HACE1: variants seen among roughly 807,000 people sequenced by gnomAD.
HACE1 encodes the protein HECT domain and ankyrin repeat containing E3 ubiquitin protein ligase 1.
In HACE1, 73 loss-of-function variants were observed where a neutral mutation model predicts 118.4. That is an observed-to-expected ratio of 0.62 (90% CI 0.51 to 0.75). HACE1 has a LOEUF of 0.75. HACE1 is among the 30% of genes least tolerant of loss of function. The pLI is 0.00. For missense variants in HACE1, 749 were observed against 1,102.2 expected (o/e 0.68, Z 4.54); for synonymous variants, 368 against 374.8 (o/e 0.98, Z 0.21).
intron 22 of HACE1, among the ~76,000 whole-genome samples, chr6:104,736,980 A>C (rs1775913695): frequency 1.3e-5 from 2 of 152,122 alleles, no homozygotes; most frequent in Non-Finnish European, 2.9e-5. Context: ...TAAAATAAAA[A>C]ACACAGTTTT....
chr6:104,852,682 G>C (rs1582791254), intron 1 of HACE1, among the ~76,000 whole-genome samples: 1 of 152,152 alleles, frequency 6.6e-6, no homozygotes, highest in Non-Finnish European at 1.5e-5. Context: ...TCTAAGTGTA[G>C]TATGGTAGCC....
chr6:104,774,673 C>T lies in HACE1; in HGVS notation c.1864+2068G>A, dbSNP rs148570115. 3.0e-3 allele frequency among the ~76,000 whole-genome samples: 460 copies of T among 152,258 alleles called. 2 individuals are homozygous for T. Among genetic ancestry groups the T allele is most frequent in the South Asian group, 0.02 (95 of 4,830 alleles). Reference sequence around the variant, plus strand: ...TGCTGGGATTACAGGCATGAGCCACCGCGCCCAAGCAGGTATCATCATTTT... The same window carrying T: ...TGCTGGGATTACAGGCATGAGCCACTGCGCCCAAGCAGGTATCATCATTTT... On this transcript the variant is annotated intron_variant, in intron 17 of 23. Transcript: ENST00000262903.
chr6:104,851,138 C>A (rs1776164100), intron 2 of HACE1, 142 bp from the exon 3 acceptor site: 2 of 641,528 alleles, frequency 3.1e-6, no homozygotes, highest in Admixed American at 2.1e-5. Context: ...GGCTGGAGTA[C>A]AGTGGCGAGA....
At chr6:104,739,633 T>C (rs1776391797) in intron 22 of HACE1, among the ~76,000 whole-genome samples, 1 of 151,910 alleles carries the variant, frequency 6.6e-6, no homozygotes, top group Admixed American at 6.6e-5. Context: ...TAAATATATA[T>C]GCACCCAATA....
intron 6 of HACE1, among the ~76,000 whole-genome samples, chr6:104,828,045 G>A (rs539842275): frequency 8.6e-5 from 13 of 151,954 alleles, no homozygotes; most frequent in Admixed American, 5.9e-4. Flanking sequence ...AGTTCTCTAC[G>A]GTTTCTAAAT....
chr6:104,849,789 C>T (rs1255003971), intron 3 of HACE1, among the ~76,000 whole-genome samples: 3 of 151,732 alleles, frequency 2.0e-5, no homozygotes, highest in Non-Finnish European at 4.4e-5. Context: ...GCTGGGACTA[C>T]AGGCACCTGC....
In HACE1 at chr6:104,744,488, T is replaced by C. The variant is rs148379395; in HGVS notation, c.2442+24A>G. 4.8e-3 allele frequency: 6,130 copies of C among 1,276,890 alleles called. 29 individuals carry two copies. The highest frequency in any genetic ancestry group is 6.0e-3 in the Non-Finnish European group (5,267 of 872,090). 79.1% of individuals were successfully genotyped at this position (1,276,890 alleles called of 1,614,324 possible). A position where few individuals can be genotyped will look rare whatever the true frequency, so the allele number is the denominator to read the frequency against. On this transcript the variant is annotated intron_variant, in intron 21 of 23. Transcript: ENST00000262903. ...AATTAAACGGCAAAACTTAACTTCA[T>C]TCTAAGCTCTAGAGAAATTTTACCT...
chr6:104,745,455 C>CGTTTTTTTTTT (rs1554221266), intron 20 of HACE1, among the ~76,000 whole-genome samples: 1 of 132,012 alleles, frequency 7.6e-6, no homozygotes, highest in South Asian at 2.3e-4. Context: ...TCAGGATTTC[C>CGTTTTTTTTTT]TTTTTTTTTG....
intron 7 of HACE1, among the ~76,000 whole-genome samples, chr6:104,800,926 A>C (rs943383967): frequency 2.0e-5 from 3 of 152,194 alleles, no homozygotes; most frequent in Non-Finnish European, 4.4e-5. Flanking sequence ...TCCGAGCTAA[A>C]GGAGGATGTT....
At chr6:104,835,390 T>C (rs1253539359) in intron 5 of HACE1, among the ~76,000 whole-genome samples, 1 of 152,084 alleles carries the variant, frequency 6.6e-6, no homozygotes, top group Non-Finnish European at 1.5e-5. Context: ...AGGGAGAACA[T>C]ACTGATTGCA....
At chr6:104,732,234 A>G (rs1206494971) in intron 22 of HACE1, 1 of 152,172 alleles carries the variant, frequency 6.6e-6, no homozygotes, top group Non-Finnish European at 1.5e-5. Flanking sequence ...AAAAGAACTG[A>G]AAGCACGGAC....
intron 6 of HACE1, among the ~76,000 whole-genome samples, chr6:104,816,592 G>T (rs77641457): frequency 0.012 from 1,818 of 148,512 alleles, 42 homozygotes; most frequent in African/African-American, 0.043. Context: ...TCTGCTGCAG[G>T]AGTAGAGCCT....
chr6:104,810,818 A>G (rs1479546160), intron 7 of HACE1, among the ~76,000 whole-genome samples: 2 of 152,102 alleles, frequency 1.3e-5, no homozygotes, highest in African/African-American at 4.8e-5. Flanking sequence ...AACAAGACTG[A>G]CTCAAGATTT....
intron 2 of HACE1, 107 bp downstream of exon 2, chr6:104,852,210 T>TGTGC (rs1776287734): frequency 3.0e-6 from 2 of 671,724 alleles, no homozygotes; most frequent in Non-Finnish European, 2.8e-6. Context: ...TGTGTGTGTG[T>TGTGC]GTGTGTGTGT....
At chr6:104,743,579 C>T (rs915615322) in intron 22 of HACE1, among the ~76,000 whole-genome samples, 2 of 151,724 alleles carry the variant, frequency 1.3e-5, no homozygotes, top group African/African-American at 2.4e-5. Context: ...ACTTTTTTTA[C>T]ATCTTTCAGA....
At chr6:104,755,590 A>G (rs535671141) in intron 19 of HACE1, among the ~76,000 whole-genome samples, 383 of 152,350 alleles carry the variant, frequency 2.5e-3, no homozygotes, top group African/African-American at 8.8e-3. Flanking sequence ...CTCTCAGACC[A>G]CAGCACAATC....
At chr6:104,791,367 T>C in intron 11 of HACE1, 137 bp downstream of exon 11, 2 of 738,938 alleles carry the variant, frequency 2.7e-6, no homozygotes, top group African/African-American at 1.7e-5. Context: ...GAGAAAGGTG[T>C]GCCTAATTTT....
intron 7 of HACE1, among the ~76,000 whole-genome samples, chr6:104,798,256 T>C (rs1769908851): frequency 6.6e-6 from 1 of 151,996 alleles, no homozygotes; most frequent in Non-Finnish European, 1.5e-5. Context: ...ACAATAACAT[T>C]ACCTAAAGAG....
intron 19 of HACE1, among the ~76,000 whole-genome samples, chr6:104,770,970 C>T (rs9499967): frequency 6.6e-6 from 1 of 152,096 alleles, no homozygotes; most frequent in Non-Finnish European, 1.5e-5. Flanking sequence ...GAAGTGCTCT[C>T]GATTTTTTAG....
Sources: allele counts gnomAD v4.1 joint callset (sites outside exome capture counted in the v4.1 genomes callset), GRCh38; gene constraint gnomAD v4.1.1; transcripts MANE v1.5; gene names NCBI Gene and HGNC (gene_info 2026-07-23, HGNC 2026-07-21).